The following GALNTL6 variants were observed in gnomAD, a reference collection of about 807,000 sequenced individuals.
The protein encoded by GALNTL6 is polypeptide N-acetylgalactosaminyltransferase-like 6.
GALNTL6 carries 46 observed loss-of-function variants against 73.7 expected under a neutral mutation model. The observed-to-expected ratio is 0.62, with a 90% CI of 0.49 to 0.80. GALNTL6 has a LOEUF of 0.80. Ranked by LOEUF, GALNTL6 falls within the 30% of genes least tolerant of loss-of-function variation. The pLI is 0.00. For missense variants in GALNTL6, 604 were observed against 755.0 expected (o/e 0.80, Z 2.34); for synonymous variants, 259 against 263.7 (o/e 0.98, Z 0.17).
intron 2 of GALNTL6, among the ~76,000 whole-genome samples, chr4:171,947,242 T>G (rs1229095103): frequency 1.3e-5 from 2 of 152,096 alleles, no homozygotes; most frequent in Non-Finnish European, 2.9e-5. Flanking sequence ...TTTTAACTTG[T>G]CGATGTTAAT....
chr4:172,348,291 C>A (rs1741823450), intron 4 of GALNTL6, among the ~76,000 whole-genome samples: 1 of 152,064 alleles, frequency 6.6e-6, no homozygotes, highest in Admixed American at 6.5e-5. Flanking sequence ...AAATTTGAAA[C>A]CCTGATACCA....
At chr4:172,980,699 G>A (rs1442082645) in intron 10 of GALNTL6, among the ~76,000 whole-genome samples, 1 of 152,074 alleles carries the variant, frequency 6.6e-6, no homozygotes, top group African/African-American at 2.4e-5. Context: ...ATCAGATTAG[G>A]ACTCCATCCT....
chr4:172,277,722 T>C (rs1004935322), intron 3 of GALNTL6, among the ~76,000 whole-genome samples: 1 of 152,072 alleles, frequency 6.6e-6, no homozygotes, highest in African/African-American at 2.4e-5. Flanking sequence ...ATTTGGTTTG[T>C]TTCTTTGGTA....
At chr4:172,162,621 C>G (rs1734506603) in intron 2 of GALNTL6, among the ~76,000 whole-genome samples, 1 of 151,846 alleles carries the variant, frequency 6.6e-6, no homozygotes, top group African/African-American at 2.4e-5. Flanking sequence ...AAGTTTCAAA[C>G]AAGATCACAA....
At chr4:172,575,245 C>A (rs192571619) in intron 5 of GALNTL6, among the ~76,000 whole-genome samples, 2 of 152,202 alleles carry the variant, frequency 1.3e-5, no homozygotes, top group Admixed American at 6.5e-5. Flanking sequence ...CTTTTATTTT[C>A]CAGTCTTTAT....
intron 3 of GALNTL6, among the ~76,000 whole-genome samples, chr4:172,267,627 GA>G (rs1357799241): frequency 2.6e-5 from 4 of 151,808 alleles, no homozygotes; most frequent in Admixed American, 6.6e-5. Flanking sequence ...GTTAACAAAT[GA>G]AAAAAAATTT....
chr4:172,692,746 G>A (rs1733390031), intron 5 of GALNTL6, among the ~76,000 whole-genome samples: 1 of 152,154 alleles, frequency 6.6e-6, no homozygotes, highest in African/African-American at 2.4e-5. Context: ...TTTAGATAAT[G>A]AGAAAATTGC....
At chr4:172,754,111 A>G (rs922000183) in intron 5 of GALNTL6, among the ~76,000 whole-genome samples, 13 of 152,222 alleles carry the variant, frequency 8.5e-5, no homozygotes, top group Non-Finnish European at 1.8e-4. Context: ...CGGTTGGTGG[A>G]AATATTTTGG....
intron 5 of GALNTL6, among the ~76,000 whole-genome samples, chr4:172,369,591 G>A (rs1350651337): frequency 1.3e-5 from 2 of 152,320 alleles, no homozygotes; most frequent in East Asian, 3.9e-4. Context: ...GGCATGGCGG[G>A]CTGCAGGTCC....
chr4:171,946,979 C>T (rs1406684031), intron 2 of GALNTL6, among the ~76,000 whole-genome samples: 1 of 152,006 alleles, frequency 6.6e-6, no homozygotes, highest in African/African-American at 2.4e-5. Flanking sequence ...TTAAAGATTG[C>T]CCTGGCTCAT....
intron 7 of GALNTL6, among the ~76,000 whole-genome samples, chr4:172,847,632 C>T (rs1392886011): frequency 2.0e-5 from 3 of 152,180 alleles, no homozygotes; most frequent in Non-Finnish European, 2.9e-5. Context: ...ACTGTGTTCC[C>T]GTATGGGCCA....
chr4:172,756,451 C>G (rs377709126), intron 5 of GALNTL6, among the ~76,000 whole-genome samples: 2,011 of 152,092 alleles, frequency 0.013, 39 homozygotes, highest in African/African-American at 0.045. Flanking sequence ...TGAGACCAGC[C>G]TGACCATTAT....
At chr4:172,561,115 C>T (rs1040582820) in intron 5 of GALNTL6, among the ~76,000 whole-genome samples, 15 of 151,120 alleles carry the variant, frequency 9.9e-5, no homozygotes, top group African/African-American at 3.2e-4. Flanking sequence ...TAGCCGGGCG[C>T]GGTGGCGGGC....
In GALNTL6 at chr4:172,348,667, A is replaced by G. The variant is rs1741839472; in HGVS notation, c.531A>G (p.Leu177=). The G allele has an allele frequency of 1.2e-6, 2 of 1,610,386 alleles. No individual in the cohort carries two copies. Among genetic ancestry groups the G allele is most frequent in the South Asian group, 1.1e-5 (1 of 90,366 alleles). The change falls in exon 5 of 13, where the codon CTA becomes CTG. Residue 177 remains leucine (L), a synonymous_variant. Coordinates refer to ENST00000506823, the MANE Select transcript of GALNTL6 (RefSeq NM_001034845.3). ...GGAGTCTGATAGCAGAAATCATTCT[A>G]GTAGATGACTTCAGTGAGAGAGGTA... ...TPGSLIAEII[L]VDDFSEREHL... is the part of the protein sequence containing the mutation.
At chr4:172,463,221 T>C (rs187351960) in intron 5 of GALNTL6, among the ~76,000 whole-genome samples, 63 of 151,886 alleles carry the variant, frequency 4.1e-4, no homozygotes, top group Non-Finnish European at 7.2e-4. Flanking sequence ...TTGCTATTTC[T>C]AGAGCAGGAA....
intron 5 of GALNTL6, among the ~76,000 whole-genome samples, chr4:172,502,030 T>A (rs1343848955): frequency 4.6e-5 from 7 of 152,124 alleles, no homozygotes; most frequent in African/African-American, 1.4e-4. Flanking sequence ...TTTATGGGAG[T>A]AATAGATATG....
chr4:172,521,169 G>A (rs1734762606), intron 5 of GALNTL6, among the ~76,000 whole-genome samples: 1 of 152,094 alleles, frequency 6.6e-6, no homozygotes, highest in East Asian at 1.9e-4. Context: ...AGTATAAATA[G>A]GTTGCACATT....
At chr4:172,606,697 AT>A (rs1738316135) in intron 5 of GALNTL6, among the ~76,000 whole-genome samples, 1 of 104,912 alleles carries the variant, frequency 9.5e-6, no homozygotes, top group Non-Finnish European at 2.1e-5. Flanking sequence ...GTATATATAT[AT>A]AGTGTGTATA....
chr4:172,444,364 G>A (rs1731943484), intron 5 of GALNTL6, among the ~76,000 whole-genome samples: 1 of 152,132 alleles, frequency 6.6e-6, no homozygotes, highest in Non-Finnish European at 1.5e-5. Flanking sequence ...TGATTCCCTT[G>A]TTTCCAACTC....
Sources: allele counts gnomAD v4.1 joint callset (sites outside exome capture counted in the v4.1 genomes callset), GRCh38; gene constraint gnomAD v4.1.1; transcripts MANE v1.5; gene names NCBI Gene and HGNC (gene_info 2026-07-23, HGNC 2026-07-21).